The following FGGY variants were observed in gnomAD, a reference collection of about 807,000 sequenced individuals.
The protein encoded by FGGY is FGGY carbohydrate kinase domain-containing protein.
FGGY carries 72 observed loss-of-function variants against 71.3 expected under a neutral mutation model. The ratio of observed to expected loss-of-function variants is 1.01; its 90% CI spans 0.84 to 1.23. FGGY has a LOEUF of 1.23. Ranked by LOEUF, FGGY falls within the 50% of genes most tolerant of loss-of-function variation. The pLI is 0.00. For synonymous variants in FGGY, 251 were observed against 250.3 expected, an observed-to-expected ratio of 1.00 and a Z score of -0.02; for missense variants, 668 against 682.3, an observed-to-expected ratio of 0.98 and a Z score of 0.23.
intron 8 of FGGY, among the ~76,000 whole-genome samples, chr1:59,604,969 G>C (rs1167434624): frequency 6.6e-6 from 1 of 152,216 alleles, no homozygotes; most frequent in Non-Finnish European, 1.5e-5. Flanking sequence ...GGCAAAGAAA[G>C]GCAGAGTGGT....
chr1:59,450,602 T>C (rs2072476656), intron 5 of FGGY, among the ~76,000 whole-genome samples: 1 of 152,166 alleles, frequency 6.6e-6, no homozygotes, highest in Admixed American at 6.5e-5. Flanking sequence ...CTATTATTAC[T>C]CTTATAGTTT....
intron 8 of FGGY, among the ~76,000 whole-genome samples, chr1:59,585,722 G>A (rs377168496): frequency 1.3e-5 from 2 of 151,984 alleles, no homozygotes; most frequent in East Asian, 1.9e-4. Flanking sequence ...CTACCATCAG[G>A]GTGAACAGGC....
At chr1:59,512,206 G>A (rs1171697738) in intron 6 of FGGY, 105 bp from the exon 7 acceptor site, 4 of 1,249,488 alleles carry the variant, frequency 3.2e-6, no homozygotes, top group African/African-American at 3.1e-5. Context: ...CTTTGCAAAT[G>A]CAGAGGAGGG....
intron 10 of FGGY, among the ~76,000 whole-genome samples, chr1:59,635,555 A>C (rs2096950452): frequency 6.6e-6 from 1 of 152,144 alleles, no homozygotes; most frequent in Non-Finnish European, 1.5e-5. Context: ...TTTCCAAAAA[A>C]AAAAAAAAAA....
At chr1:59,370,593 A>G (rs866865374) in intron 4 of FGGY, among the ~76,000 whole-genome samples, 4,150 of 151,796 alleles carry the variant, frequency 0.027, 193 homozygotes, top group African/African-American at 0.095. Flanking sequence ...CAACTCCAAG[A>G]CACATAATTG....
At chr1:59,329,339 T>C (rs2048011945) in intron 2 of FGGY, among the ~76,000 whole-genome samples, 1 of 152,228 alleles carries the variant, frequency 6.6e-6, no homozygotes, top group Non-Finnish European at 1.5e-5. Context: ...AATTAAAAAA[T>C]ACTTTATTGC....
chr1:59,411,458 C>A (rs2063589071), intron 5 of FGGY, among the ~76,000 whole-genome samples: 2 of 152,196 alleles, frequency 1.3e-5, no homozygotes, highest in African/African-American at 4.8e-5. Context: ...TTAATGATTA[C>A]CTTGTAGGGA....
chr1:59,616,207 T>G (rs1408718168), intron 9 of FGGY, among the ~76,000 whole-genome samples: 1 of 152,216 alleles, frequency 6.6e-6, no homozygotes, highest in Non-Finnish European at 1.5e-5. Context: ...GTGGCACTAT[T>G]CACAATAGCA....
At chr1:59,305,399 A>G (rs2043298603) in intron 1 of FGGY, among the ~76,000 whole-genome samples, 2 of 152,172 alleles carry the variant, frequency 1.3e-5, no homozygotes, top group Admixed American at 1.3e-4. Flanking sequence ...TTACAAGGAT[A>G]GTTACTTACT....
chr1:59,697,650 G>A, intron 14 of FGGY: 1 of 1,303,584 alleles, frequency 7.7e-7, no homozygotes, highest in South Asian at 1.2e-5. Context: ...CTTTCCAGTG[G>A]GGGAAATAGA....
intron 14 of FGGY, among the ~76,000 whole-genome samples, chr1:59,682,495 C>G (rs2097510442): frequency 6.6e-6 from 1 of 152,138 alleles, no homozygotes; most frequent in Admixed American, 6.5e-5. Context: ...AGAATGTGAC[C>G]CTCGGGTTTG....
At chr1:59,568,656 A>T (rs1288017894) in intron 8 of FGGY, among the ~76,000 whole-genome samples, 1 of 152,096 alleles carries the variant, frequency 6.6e-6, no homozygotes, top group Non-Finnish European at 1.5e-5. Context: ...TTCAGGTGTC[A>T]CCTTCCTAAG....
chr1:59,758,059 T>C (rs1226288404), intron 15 of FGGY, 67 bp downstream of exon 15: 2 of 1,130,652 alleles, frequency 1.8e-6, no homozygotes, highest in Non-Finnish European at 2.6e-6. Flanking sequence ...CATGCAACTA[T>C]AGATCTGGAA....
intron 14 of FGGY, among the ~76,000 whole-genome samples, chr1:59,751,358 AGT>A (rs1483330138): frequency 6.6e-6 from 1 of 152,194 alleles, no homozygotes; most frequent in Non-Finnish European, 1.5e-5. Flanking sequence ...CAGACACCAC[AGT>A]GTTTTTTAAC....
At chr1:59,307,692 G>A (rs1366467587) in intron 1 of FGGY, among the ~76,000 whole-genome samples, 1 of 152,140 alleles carries the variant, frequency 6.6e-6, no homozygotes, top group African/African-American at 2.4e-5. Flanking sequence ...AGTCTAAAAA[G>A]CATTTGGATT....
At chr1:59,691,622 T>C (rs2097587578) in intron 14 of FGGY, among the ~76,000 whole-genome samples, 1 of 151,686 alleles carries the variant, frequency 6.6e-6, no homozygotes, top group African/African-American at 2.4e-5. Flanking sequence ...CTTTCTTTTT[T>C]GTTCTTTTTT....
chr1:59,547,188 T>G (rs1222498436), intron 7 of FGGY, among the ~76,000 whole-genome samples: 1 of 151,902 alleles, frequency 6.6e-6, no homozygotes, highest in Non-Finnish European at 1.5e-5. Context: ...CCTGACCTCA[T>G]GATCCACCTG....
intron 2 of FGGY, among the ~76,000 whole-genome samples, chr1:59,323,201 C>T (rs1045169656): frequency 1.3e-5 from 2 of 152,050 alleles, no homozygotes; most frequent in Non-Finnish European, 2.9e-5. Context: ...CCTTGCTTGC[C>T]GTTAAGGAAA....
At chr1:59,496,952 AC>A (rs2094054314) in intron 6 of FGGY, among the ~76,000 whole-genome samples, 1 of 152,186 alleles carries the variant, frequency 6.6e-6, no homozygotes, top group African/African-American at 2.4e-5. Context: ...CCTCTGGGAA[AC>A]ACTGATTTAA....
Sources: allele counts gnomAD v4.1 joint callset (sites outside exome capture counted in the v4.1 genomes callset), GRCh38; gene constraint gnomAD v4.1.1; transcripts MANE v1.5; gene names NCBI Gene and HGNC (gene_info 2026-07-23, HGNC 2026-07-21).